The following ADGRG6 variants were observed in gnomAD, a reference collection of about 807,000 sequenced individuals.
ADGRG6 encodes the protein adhesion G protein-coupled receptor G6, also known as G-protein coupled receptor 126.
Under a neutral mutation model 142.4 loss-of-function variants are expected in ADGRG6, and 84 were observed. That is an observed-to-expected ratio of 0.59 (90% CI 0.49 to 0.71). ADGRG6 has a LOEUF of 0.71. Among genes scored for constraint, ADGRG6 ranks in the 30% least tolerant of loss-of-function variants. The pLI, the probability that ADGRG6 is intolerant of heterozygous loss-of-function variation, is 0.00. For synonymous variants in ADGRG6, 521 were observed against 520.5 expected, an observed-to-expected ratio of 1.00 and a Z score of -0.01; for missense variants, 1,367 against 1,466.6, an observed-to-expected ratio of 0.93 and a Z score of 1.11.
intron 1 of ADGRG6, among the ~76,000 whole-genome samples, chr6:142,304,098 G>C (rs1158652918): frequency 1.3e-5 from 2 of 151,938 alleles, no homozygotes; most frequent in Non-Finnish European, 2.9e-5. Flanking sequence ...ATTCTTTTTA[G>C]GTATTGGTTT....
At position 142,408,213 on chromosome 6, in the gene ADGRG6, A is replaced by G. The variant is rs1477557930; in HGVS notation, c.2332A>G (p.Thr778Ala). 5 of 1,585,644 alleles carry G rather than the reference A, an allele frequency of 3.2e-6. No individual in the cohort carries two copies. Among genetic ancestry groups the G allele is most frequent in the Admixed American group, 3.5e-5 (2 of 57,418 alleles). ...GATGGCGTGCAGTATTGGAAACATT[A>G]CTATCCAGAATCTGAAGGATCCTGT... is the stretch of plus-strand genomic sequence containing the variant. The part of the protein sequence containing the change: ...YVMACSIGNI[T>A]IQNLKDPVQI... Residue 778 changes from threonine to alanine, a missense_variant, in exon 16 of 25, where the codon ACT (threonine) becomes GCT (alanine). Physicochemically the swap from Thr to Ala is moderately conservative, Grantham distance 58. This residue lies in a region of ADGRG6 where 286 missense variants were observed against 371.4 expected (regional missense o/e 0.77). Transcript: ENST00000367609.
intron 2 of ADGRG6, among the ~76,000 whole-genome samples, chr6:142,338,020 T>TG: frequency 3.5e-5 from 1 of 28,862 alleles, no homozygotes; most frequent in Admixed American, 4.2e-4. Flanking sequence ...TATCTTTGTT[T>TG]TTTTTTTTTT....
At position 142,400,560 on chromosome 6, in the gene ADGRG6, G is replaced by C; in HGVS notation, c.1643G>C (p.Cys548Ser). The C allele has an allele frequency of 1.2e-6, 2 of 1,604,554 alleles. No individual in the cohort carries two copies. Residue 548 changes from cysteine to serine, a missense_variant, in exon 11 of 25, where the codon TGT (cysteine) becomes TCT (serine). By Grantham distance (112) the Cys-to-Ser change is moderately radical. This residue lies in a region of ADGRG6 where 737 missense variants were observed against 746.5 expected (regional missense o/e 0.99). Transcript: ENST00000367609. ...CAACCTTCTGAATACGTTCTTCCTTGTCCAGACAAGCCTGGCTTTTCTGCT... is the reference window on the plus strand; with the variant it reads ...CAACCTTCTGAATACGTTCTTCCTTCTCCAGACAAGCCTGGCTTTTCTGCT... Reference protein sequence around the residue: ...SIQPSEYVLPCPDKPGFSASR... With the variant: ...SIQPSEYVLPSPDKPGFSASR...
At chr6:142,443,206 A>G (rs949449040) in intron 24 of ADGRG6, 131 bp from the exon 25 acceptor site, 6 of 594,248 alleles carry the variant, frequency 1.0e-5, no homozygotes, top group African/African-American at 5.7e-5. Flanking sequence ...CTATTACCTA[A>G]TATAAGAAAG....
chr6:142,440,321 C>A (rs73582562), intron 24 of ADGRG6, among the ~76,000 whole-genome samples: 1 of 152,156 alleles, frequency 6.6e-6, no homozygotes, highest in South Asian at 2.1e-4. Context: ...CACAGGGTCT[C>A]GCTCTGTTTA....
intron 18 of ADGRG6, among the ~76,000 whole-genome samples, chr6:142,413,029 T>TTATATATATATATA (rs139522751): frequency 8.5e-4 from 127 of 150,190 alleles, no homozygotes; most frequent in Non-Finnish European, 1.4e-3. Flanking sequence ...GAATGGTTAA[T>TTATATATATATATA]TATATATATA....
In ADGRG6 at chr6:142,383,710, A is replaced by G. The variant is rs762874353; in HGVS notation, c.1139-50A>G. 4 of 839,802 alleles carry G rather than the reference A, an allele frequency of 4.8e-6. No individual in the cohort carries two copies. In the South Asian group the frequency reaches 5.8e-5, roughly 12 times the overall value. 52.0% of individuals were successfully genotyped at this position (839,802 alleles called of 1,614,324 possible). A position where few individuals can be genotyped will look rare whatever the true frequency, so the allele number is the denominator to read the frequency against. On this transcript the variant is annotated intron_variant, in intron 5 of 24. Transcript: ENST00000367609. ...AATTATAGATTGCTTATCCAAATTA[A>G]CTGTCATGTGCTCTTTGCAAAATTA...
In ADGRG6 at chr6:142,405,705, A is replaced by G; in HGVS notation, c.2145A>G (p.Gly715=). 1 of 1,608,952 alleles carries G rather than the reference A, an allele frequency of 6.2e-7. No individual in the cohort carries two copies. The highest frequency in any genetic ancestry group is 1.7e-4 in the Middle Eastern group (1 of 6,040). ...ESYFQMDFES[G]QVDPLASVIL... ...TGTGACAGATGGATTTTGAGAGTGG[A>G]CAAGTGGATCCACTGGCATCTGTAA... The change falls in exon 15 of 25, where the codon GGA becomes GGG. Residue 715 remains glycine (G), a synonymous_variant. Coordinates refer to ENST00000367609, the MANE Select transcript of ADGRG6 (RefSeq NM_198569.3).
chr6:142,376,329 G>T (rs376409927), intron 4 of ADGRG6, among the ~76,000 whole-genome samples: 1 of 152,090 alleles, frequency 6.6e-6, no homozygotes, highest in Non-Finnish European at 1.5e-5. Flanking sequence ...ACAGTATAAC[G>T]CAATGAATAG....
chr6:142,425,728 A>C (rs1009139670), intron 22 of ADGRG6, among the ~76,000 whole-genome samples: 2 of 152,164 alleles, frequency 1.3e-5, no homozygotes, highest in African/African-American at 4.8e-5. Flanking sequence ...CACTGCTGAT[A>C]AACATATACC....
chr6:142,435,690 C>G (rs1220799824), intron 22 of ADGRG6, among the ~76,000 whole-genome samples: 1 of 151,970 alleles, frequency 6.6e-6, no homozygotes, highest in Non-Finnish European at 1.5e-5. Context: ...TCCCTGTTCT[C>G]TTGGAGCTTA....
rs759274172 is a variant in ADGRG6 at position 142,370,673 on chromosome 6, A to G, written c.949A>G (p.Met317Val). Residue 317 changes from methionine (M) to valine (V), a missense_variant, in exon 4 of 25, where the codon ATG becomes GTG. Met to Val is a conservative substitution (Grantham distance 21, BLOSUM62 1). Coordinates refer to ENST00000367609, the MANE Select transcript of ADGRG6 (RefSeq NM_198569.3). ...TAACTTTCGACTTTGGAATTTTACC[A>G]TGAATGCCAAAATCCTCTCCAACCT... is the stretch of plus-strand genomic sequence containing the variant. ...IYNFRLWNFTMNAKILSNLSC... is the reference protein window; with the variant it reads ...IYNFRLWNFTVNAKILSNLSC... 2 of 1,613,836 alleles carry G rather than the reference A, an allele frequency of 1.2e-6. No homozygotes were observed. Among genetic ancestry groups the G allele is most frequent in the South Asian group, 1.1e-5 (1 of 91,076 alleles).
chr6:142,409,670 C>T (rs2115046985), intron 16 of ADGRG6, among the ~76,000 whole-genome samples: 1 of 152,118 alleles, frequency 6.6e-6, no homozygotes. Context: ...AGTATGATTC[C>T]TTATGAGGTT....
intron 2 of ADGRG6, among the ~76,000 whole-genome samples, chr6:142,333,756 G>A (rs140443702): frequency 2.0e-5 from 3 of 152,200 alleles, no homozygotes; most frequent in Non-Finnish European, 4.4e-5. Context: ...CTCTGGTGAG[G>A]CTGAAACAAT....
intron 2 of ADGRG6, among the ~76,000 whole-genome samples, chr6:142,318,195 T>TTATATAATATATATTA (rs1562307404): frequency 6.1e-5 from 2 of 33,002 alleles, no homozygotes; most frequent in African/African-American, 1.1e-4. Flanking sequence ...TATTATATAT[T>TTATATAATATATATTA]TATATTATAT....
chr6:142,409,788 A>G (rs1583110504), intron 16 of ADGRG6, 86 bp from the exon 17 acceptor site: 1 of 611,150 alleles, frequency 1.6e-6, no homozygotes, highest in Admixed American at 3.2e-5. Context: ...TTCTTTGTGA[A>G]ACCCTTCGTG....
chr6:142,388,312 A>G lies in ADGRG6; in HGVS notation c.1223-1946A>G, dbSNP rs77858017. On this transcript the variant is annotated intron_variant, in intron 6 of 24. Transcript: ENST00000367609. ...ATCTTAAATATTTGGATGCTTTCTT[A>G]AAAATTCAGAAATGTCAATGATTTT... Among the ~76,000 whole-genome samples the G allele has an allele frequency of 4.1e-3, 624 of 152,282 alleles. 3 individuals carry two copies. Among genetic ancestry groups the G allele is most frequent in the African/African-American group, 0.014 (592 of 41,572 alleles).
At chr6:142,391,087 T>C (rs1283524851) in intron 7 of ADGRG6, among the ~76,000 whole-genome samples, 1 of 151,860 alleles carries the variant, frequency 6.6e-6, no homozygotes, top group Non-Finnish European at 1.5e-5. Context: ...CAGTATCCTA[T>C]TGGTAAACAT....
In ADGRG6 at chr6:142,370,913, C is replaced by CAT. The variant is rs202006915; in HGVS notation, c.1069+131_1069+132dup. On this transcript the variant is annotated intron_variant, in intron 4 of 24. Coordinates refer to ENST00000367609, the MANE Select transcript of ADGRG6 (RefSeq NM_198569.3). The stretch of plus-strand genomic sequence containing the variant: ...CTGTATGTATATTCACACATATAGA[C>CAT]ATATATATATATGTTGTCATTAAAA... The CAT allele has an allele frequency of 2.3e-3, 2,118 of 937,972 alleles. 18 individuals carry two copies. In the African/African-American group the frequency reaches 0.026, roughly 12 times the overall value. 58.1% of individuals were successfully genotyped at this position (937,972 alleles called of 1,614,324 possible).
Sources: gnomAD v4.1 joint callset for allele counts (sites outside exome capture counted in the v4.1 genomes callset) on GRCh38, gnomAD v4.1.1 for gene constraint, gnomAD v4.1.1 regional missense constraint, MANE v1.5 for transcripts, NCBI Gene and HGNC (gene_info 2026-07-23, HGNC 2026-07-21) for gene names.